The following EXOC6 variants were observed in gnomAD, a reference collection of about 807,000 sequenced individuals.
EXOC6 encodes SEC15-like 1.
A neutral mutation model predicts 112.5 loss-of-function variants in EXOC6; 60 were observed. The observed-to-expected ratio is 0.53, with a 90% CI of 0.43 to 0.66. The LOEUF (loss-of-function observed/expected upper bound fraction) is 0.66. EXOC6 is among the 30% of genes least tolerant of loss of function. The pLI is 0.00. For missense variants in EXOC6, 855 were observed against 957.1 expected, an observed-to-expected ratio of 0.89 and a Z score of 1.41; for synonymous variants, 295 against 308.0, an observed-to-expected ratio of 0.96 and a Z score of 0.44.
intron 1 of EXOC6, among the ~76,000 whole-genome samples, chr10:92,837,924 C>G (rs572048022): frequency 3.3e-4 from 51 of 152,304 alleles, no homozygotes; most frequent in African/African-American, 1.2e-3. Flanking sequence ...AAAGGCATTG[C>G]TTTGGCAAAT....
chr10:92,978,704 T>C (rs76924948), intron 18 of EXOC6, among the ~76,000 whole-genome samples: 129 of 152,318 alleles, frequency 8.5e-4, no homozygotes, highest in African/African-American at 3.0e-3. Flanking sequence ...ATGTTTTAAG[T>C]TGAAAATGAT....
intron 13 of EXOC6, among the ~76,000 whole-genome samples, chr10:92,945,524 C>T (rs534169351): frequency 2.6e-4 from 39 of 152,200 alleles, no homozygotes; most frequent in African/African-American, 7.0e-4. Flanking sequence ...AACTTATACA[C>T]GTTTATAGAA....
intron 12 of EXOC6, among the ~76,000 whole-genome samples, chr10:92,939,114 C>G (rs1348459097): frequency 1.3e-5 from 2 of 152,020 alleles, no homozygotes; most frequent in Non-Finnish European, 2.9e-5. Flanking sequence ...TGGTTTGACC[C>G]AGATTATGGG....
At chr10:92,994,486 G>C (rs925534804) in intron 18 of EXOC6, among the ~76,000 whole-genome samples, 1 of 152,152 alleles carries the variant, frequency 6.6e-6, no homozygotes, top group Non-Finnish European at 1.5e-5. Context: ...TAAAAGCTTA[G>C]CAGGTGTTTT....
intron 4 of EXOC6, among the ~76,000 whole-genome samples, chr10:92,896,107 A>ATG (rs1406850874): frequency 3.8e-5 from 3 of 79,078 alleles, no homozygotes; most frequent in African/African-American, 1.6e-4. Context: ...GTGTATATAT[A>ATG]TGTGTATATA....
intron 19 of EXOC6, among the ~76,000 whole-genome samples, chr10:93,006,725 C>G (rs1466673350): frequency 6.6e-6 from 1 of 152,126 alleles, no homozygotes; most frequent in Non-Finnish European, 1.5e-5. Context: ...GTTTGTTAAA[C>G]AAAACTTGAG....
intron 1 of EXOC6, among the ~76,000 whole-genome samples, chr10:92,882,749 A>G (rs1849027961): frequency 6.6e-6 from 1 of 152,162 alleles, no homozygotes; most frequent in East Asian, 1.9e-4. Flanking sequence ...TCTGGAGGCT[A>G]CTGAAGAGAG....
At chr10:92,849,574 C>T (rs1458929242) in intron 1 of EXOC6, among the ~76,000 whole-genome samples, 4 of 152,120 alleles carry the variant, frequency 2.6e-5, no homozygotes, top group Non-Finnish European at 5.9e-5. Context: ...AGTTATTATT[C>T]ACTTAGGGAA....
At chr10:92,947,559 C>G (rs1381817354) in intron 13 of EXOC6, among the ~76,000 whole-genome samples, 2 of 152,182 alleles carry the variant, frequency 1.3e-5, no homozygotes, top group Non-Finnish European at 2.9e-5. Context: ...AGTTTATAAT[C>G]TCATTGGGAA....
intron 1 of EXOC6, among the ~76,000 whole-genome samples, chr10:92,877,856 A>G (rs539120975): frequency 5.9e-5 from 9 of 152,338 alleles, no homozygotes; most frequent in South Asian, 2.1e-4. Context: ...TGTCATTAGG[A>G]AAAGGATATG....
In EXOC6 at chr10:92,886,359, A is replaced by C. The variant is rs576743579; in HGVS notation, c.102-6990A>C. On this transcript the variant is annotated intron_variant, in intron 1 of 21. Transcript: ENST00000260762. Reference sequence around the variant, plus strand: ...CCTTATTTTGTTGCATTTGTAATTTAAAACTGCGTAACTATTAGCTATGCC... The same window carrying C: ...CCTTATTTTGTTGCATTTGTAATTTCAAACTGCGTAACTATTAGCTATGCC... 9.3e-4 allele frequency among the ~76,000 whole-genome samples: 141 copies of C among 152,352 alleles called. 1 individual carries two copies. Among genetic ancestry groups the C allele is most frequent in the Non-Finnish European group, 1.8e-3 (124 of 68,026 alleles).
At chr10:92,960,423 T>C (rs1242832670) in intron 17 of EXOC6, among the ~76,000 whole-genome samples, 1 of 152,140 alleles carries the variant, frequency 6.6e-6, no homozygotes, top group African/African-American at 2.4e-5. Flanking sequence ...TCTAAAAGTA[T>C]GTAATTGTGT....
At chr10:92,934,122 G>T in intron 9 of EXOC6, 22 bp from the exon 10 acceptor site, 4 of 1,421,068 alleles carry the variant, frequency 2.8e-6, no homozygotes, top group Non-Finnish European at 3.9e-6. Context: ...GGTTTAAATT[G>T]ATTTTTATTT....
intron 1 of EXOC6, among the ~76,000 whole-genome samples, chr10:92,872,635 G>T (rs1362391442): frequency 6.6e-6 from 1 of 151,854 alleles, no homozygotes; most frequent in Non-Finnish European, 1.5e-5. Flanking sequence ...TTTAGTTTCT[G>T]TTCGATGAGA....
upstream of EXOC6, among the ~76,000 whole-genome samples, chr10:92,847,701 C>A (rs931914699): frequency 6.6e-6 from 1 of 152,092 alleles, no homozygotes; most frequent in Non-Finnish European, 1.5e-5. Context: ...TTGTCCAAGC[C>A]TCCCTGCCTC....
intron 20 of EXOC6, among the ~76,000 whole-genome samples, chr10:93,035,960 C>T (rs778289748): frequency 3.3e-5 from 5 of 152,176 alleles, no homozygotes; most frequent in African/African-American, 4.8e-5. Flanking sequence ...GTGGCTCACA[C>T]CTGTAATCCC....
At chr10:92,978,630 G>A (rs998713003) in intron 18 of EXOC6, among the ~76,000 whole-genome samples, 28 of 152,004 alleles carry the variant, frequency 1.8e-4, no homozygotes, top group African/African-American at 6.8e-4. Context: ...AGAGGCAGAG[G>A]CATTAAATCT....
At chr10:92,863,755 A>G (rs1347297110) in intron 1 of EXOC6, among the ~76,000 whole-genome samples, 2 of 151,736 alleles carry the variant, frequency 1.3e-5, no homozygotes, top group African/African-American at 2.4e-5. Context: ...TACTAAAAAT[A>G]CAAAAAAAAA....
In EXOC6 at chr10:92,954,734, T is replaced by C; in HGVS notation, c.1631T>C (p.Leu544Ser). The C allele has an allele frequency of 6.7e-7, 1 of 1,487,902 alleles. No homozygotes were observed. Among genetic ancestry groups the C allele is most frequent in the African/African-American group, 1.4e-5 (1 of 72,326 alleles). 92.2% of individuals were successfully genotyped at this position (1,487,902 alleles called of 1,614,324 possible). A position where few individuals can be genotyped will look rare whatever the true frequency, so the allele number is the denominator to read the frequency against. ...LNLIRKPHIG[L>S]TELVQIIINT... ...CTTATTAGAAAACCTCATATAGGTT[T>C]GACAGAGGTAGGTTAAAAAGACACA... The change falls in exon 16 of 22, where the codon TTG (leucine) becomes TCG (serine). Residue 544 changes from leucine to serine, a missense_variant. Transcript: ENST00000260762.
Sources: gnomAD v4.1 joint callset for allele counts (sites outside exome capture counted in the v4.1 genomes callset) on GRCh38, gnomAD v4.1.1 for gene constraint, MANE v1.5 for transcripts, NCBI Gene and HGNC (gene_info 2026-07-23, HGNC 2026-07-21) for gene names.